The following RBFOX1 variants were observed in gnomAD, a reference collection of about 807,000 sequenced individuals.
RBFOX1 encodes RNA binding protein fox-1 homolog 1.
RBFOX1 carries 8 observed loss-of-function variants against 57.7 expected under a neutral mutation model. The ratio of observed to expected loss-of-function variants is 0.14; its 90% CI spans 0.08 to 0.25. RBFOX1 has a LOEUF of 0.25. RBFOX1 is among the 10% of genes least tolerant of loss of function. The pLI is 1.00. For synonymous variants in RBFOX1, 326 were observed against 222.4 expected (o/e 1.47, Z -4.15); for missense variants, 611 against 548.5 (o/e 1.11, Z -1.14).
chr16:7,476,704 A>T (rs1211560053), intron 4 of RBFOX1, among the ~76,000 whole-genome samples: 2 of 152,200 alleles, frequency 1.3e-5, no homozygotes, highest in African/African-American at 4.8e-5. Flanking sequence ...TCATTTCCCC[A>T]GAAAGACCCC....
intron 4 of RBFOX1, among the ~76,000 whole-genome samples, chr16:7,093,534 C>G (rs572842574): frequency 6.6e-6 from 1 of 152,200 alleles, no homozygotes; most frequent in South Asian, 2.1e-4. Context: ...TATCCAGATA[C>G]TCTTCAGGCA....
At chr16:7,486,730 A>C (rs1189095235) in intron 4 of RBFOX1, among the ~76,000 whole-genome samples, 2 of 152,168 alleles carry the variant, frequency 1.3e-5, no homozygotes, top group Non-Finnish European at 2.9e-5. Context: ...CAAGTCATTC[A>C]GCTGAGGTCT....
At chr16:6,095,210 G>T (rs1226693703) in intron 1 of RBFOX1, among the ~76,000 whole-genome samples, 1 of 152,196 alleles carries the variant, frequency 6.6e-6, no homozygotes, top group African/African-American at 2.4e-5. Context: ...AAATAAACAG[G>T]TGGATTTGGA....
At chr16:6,222,393 C>G (rs1181220887) in intron 1 of RBFOX1, among the ~76,000 whole-genome samples, 10 of 152,066 alleles carry the variant, frequency 6.6e-5, no homozygotes, top group African/African-American at 2.4e-4. Flanking sequence ...AAGGGTTAGA[C>G]AAGAGTGATG....
At chr16:6,552,872 T>C (rs912970008) in intron 2 of RBFOX1, among the ~76,000 whole-genome samples, 1 of 152,120 alleles carries the variant, frequency 6.6e-6, no homozygotes, top group Admixed American at 6.6e-5. Flanking sequence ...ATATTCTGTT[T>C]TGTGTTATAC....
rs149375838 is a variant in RBFOX1, at chr16:5,631,071, C to G, written c.318+32110C>G. Among the ~76,000 whole-genome samples, 679 of 152,292 alleles carry G rather than the reference C, an allele frequency of 4.5e-3. 2 individuals are homozygous for G. The highest frequency in any genetic ancestry group is 0.016 in the African/African-American group (650 of 41,546). On this transcript the variant is annotated intron_variant, in intron 3 of 19. Coordinates refer to the RBFOX1 transcript ENST00000641259. ...CAGATGGCCAAACCAGTCCCCAAAA[C>G]GTGACTGTTGGCACTCAGAGGTGCT...
At chr16:6,140,152 G>A (rs1009000727) in intron 1 of RBFOX1, among the ~76,000 whole-genome samples, 5 of 150,284 alleles carry the variant, frequency 3.3e-5, no homozygotes, top group South Asian at 2.1e-4. Context: ...CTGATAATTC[G>A]TAAACTTCTA....
chr16:5,924,243 A>G (rs2058895841), intron 4 of RBFOX1, among the ~76,000 whole-genome samples: 1 of 152,202 alleles, frequency 6.6e-6, no homozygotes, highest in Admixed American at 6.5e-5. Flanking sequence ...TTTATAAATT[A>G]CCCAGTGTCA....
chr16:5,941,175 C>G (rs958912076), intron 4 of RBFOX1, among the ~76,000 whole-genome samples: 1 of 151,926 alleles, frequency 6.6e-6, no homozygotes, highest in East Asian at 1.9e-4. Flanking sequence ...GAGAAAGTCA[C>G]TACAATAATG....
intron 3 of RBFOX1, chr16:5,616,043 C>T (rs2048012466): frequency 6.6e-6 from 1 of 152,574 alleles, no homozygotes; most frequent in Non-Finnish European, 1.5e-5. Context: ...CAGAGCTCTT[C>T]TCCACTCCCC....
At chr16:5,737,116 G>T (rs1401283786) in intron 3 of RBFOX1, among the ~76,000 whole-genome samples, 1 of 151,954 alleles carries the variant, frequency 6.6e-6, no homozygotes, top group Non-Finnish European at 1.5e-5. Flanking sequence ...GGTCTAATAT[G>T]GCTCCACTTT....
intron 3 of RBFOX1, among the ~76,000 whole-genome samples, chr16:7,038,707 G>C (rs886185933): frequency 6.6e-6 from 1 of 152,116 alleles, no homozygotes; most frequent in South Asian, 2.1e-4. Context: ...GTGGGAGGCC[G>C]AAGGGGATAT....
At chr16:5,747,831 G>T (rs189784665) in intron 3 of RBFOX1, among the ~76,000 whole-genome samples, 108 of 152,182 alleles carry the variant, frequency 7.1e-4, no homozygotes, top group African/African-American at 2.6e-3. Context: ...ACCAGCTCCT[G>T]GATTCCTTGA....
chr16:6,052,810 A>T (rs1383499509), intron 1 of RBFOX1, among the ~76,000 whole-genome samples: 1 of 79,668 alleles, frequency 1.3e-5, no homozygotes, highest in African/African-American at 2.9e-5. Flanking sequence ...AAAATATAAT[A>T]ATAATAATAA....
At chr16:7,512,220 G>A (rs1169646008) in intron 4 of RBFOX1, among the ~76,000 whole-genome samples, 2 of 152,200 alleles carry the variant, frequency 1.3e-5, no homozygotes, top group Non-Finnish European at 2.9e-5. Context: ...CCTACATGAA[G>A]TTGGCTTCAG....
chr16:5,471,339 A>G (rs745666575), intron 2 of RBFOX1, among the ~76,000 whole-genome samples: 1 of 152,124 alleles, frequency 6.6e-6, no homozygotes, highest in Non-Finnish European at 1.5e-5. Context: ...TACAGTTGAG[A>G]TGTTTTTTAA....
intron 4 of RBFOX1, among the ~76,000 whole-genome samples, chr16:5,959,260 C>A (rs2152286181): frequency 6.6e-6 from 1 of 152,326 alleles, no homozygotes; most frequent in African/African-American, 2.4e-5. Context: ...CCACCTCTTG[C>A]CTTGAGAACC....
intron 4 of RBFOX1, among the ~76,000 whole-genome samples, chr16:7,385,021 G>T (rs1054176064): frequency 3.3e-5 from 5 of 152,162 alleles, no homozygotes; most frequent in Non-Finnish European, 7.4e-5. Context: ...CAGAGAGAAA[G>T]AACATTCCAG....
At chr16:5,454,858 C>CT (rs1346976583) in intron 1 of RBFOX1, among the ~76,000 whole-genome samples, 6 of 11,518 alleles carry the variant, frequency 5.2e-4, no homozygotes, top group Admixed American at 8.8e-4. Flanking sequence ...TCTTTCTTTT[C>CT]TTTCTTTCTT....
Sources: allele counts gnomAD v4.1 joint callset (sites outside exome capture counted in the v4.1 genomes callset), GRCh38; gene constraint gnomAD v4.1.1; transcripts MANE v1.5; gene names NCBI Gene and HGNC (gene_info 2026-07-23, HGNC 2026-07-21).